Variants in NSUN6 observed in about 807,000 individuals in gnomAD.
NSUN6 encodes the protein NOP2/Sun RNA methyltransferase 6.
In NSUN6, 64 loss-of-function variants were observed where a neutral mutation model predicts 58.0. That is an observed-to-expected ratio of 1.10 (90% CI 0.90 to 1.36). The LOEUF (loss-of-function observed/expected upper bound fraction) is 1.36, where lower values mean the gene tolerates loss of function less well. Among genes scored for constraint, NSUN6 ranks in the 40% most tolerant of loss-of-function variants. The probability of loss-of-function intolerance (pLI) is 0.00; values close to 1 mark genes in which losing one functional copy is unlikely to be tolerated. For synonymous variants in NSUN6, 231 were observed against 193.9 expected (o/e 1.19, Z -1.59); for missense variants, 701 against 550.1 (o/e 1.27, Z -2.74).
intron 3 of NSUN6, among the ~76,000 whole-genome samples, chr10:18,625,642 C>T (rs920362259): frequency 5.7e-5 from 8 of 139,932 alleles, no homozygotes; most frequent in Middle Eastern, 4.0e-3. Context: ...GAATCCGGGA[C>T]GCAAAAGCTG....
At chr10:18,616,529 T>C (rs2058417311) in intron 3 of NSUN6, among the ~76,000 whole-genome samples, 1 of 152,168 alleles carries the variant, frequency 6.6e-6, no homozygotes, top group African/African-American at 2.4e-5. Flanking sequence ...GGCAATAAAG[T>C]GGCACCAGAA....
chr10:18,586,356 G>A (rs561411040), intron 7 of NSUN6, among the ~76,000 whole-genome samples: 5 of 152,112 alleles, frequency 3.3e-5, no homozygotes, highest in East Asian at 1.9e-4. Flanking sequence ...CGTTGTGTCC[G>A]GAGCTTGTTC....
In NSUN6 at chr10:18,548,160, C is replaced by T. The variant is rs369889308; in HGVS notation, c.1149G>A (p.Gln383=). 5.0e-6 allele frequency: 8 copies of T among 1,613,770 alleles called. No individual in the cohort carries two copies. The African/African-American group carries it at 1.1e-4, about 22-fold the overall frequency. Residue 383 remains glutamine (Q), a synonymous_variant, in exon 10 of 11, where the codon CAG becomes CAA. Coordinates refer to ENST00000377304, the MANE Select transcript of NSUN6 (RefSeq NM_182543.5). ...CTITLAENEE[Q]VAWALTKFPC... The stretch of plus-strand genomic sequence containing the variant: ...GAAATTTTGTCAGGGCCCAGGCAAC[C>T]TGTTCTTCATTTTCGGCCAGTGTTA...
intron 8 of NSUN6, among the ~76,000 whole-genome samples, chr10:18,577,031 C>A (rs1483714362): frequency 1.3e-5 from 2 of 152,082 alleles, no homozygotes; most frequent in African/African-American, 4.8e-5. Flanking sequence ...GGATTTGAGT[C>A]AATATTTTGG....
At chr10:18,627,551 C>G (rs529783055) in intron 3 of NSUN6, among the ~76,000 whole-genome samples, 3 of 152,276 alleles carry the variant, frequency 2.0e-5, no homozygotes, top group South Asian at 4.2e-4. Flanking sequence ...TCAGTGGGTG[C>G]GCGCACCGTG....
intron 3 of NSUN6, among the ~76,000 whole-genome samples, chr10:18,635,851 G>T (rs1052387127): frequency 2.7e-5 from 4 of 149,226 alleles, no homozygotes; most frequent in African/African-American, 4.9e-5. Flanking sequence ...GTTTTTTGTC[G>T]TTTTTTTTAA....
Position 18,609,797 on chromosome 10 carries a change from G to T in NSUN6, c.657+48C>A. On this transcript the variant is annotated intron_variant, in intron 6 of 10. Transcript: ENST00000377304. ...TATCCTAGATTTCAAATAATTCACT[G>T]ATGTATGTTTCAATGTCACTAAATA... The T allele has an allele frequency of 2.1e-6, 2 of 973,656 alleles. No individual in the cohort carries two copies. The highest frequency in any genetic ancestry group is 1.4e-5 in the South Asian group (1 of 72,456). 60.3% of individuals were successfully genotyped at this position (973,656 alleles called of 1,614,324 possible).
chr10:18,560,718 GGAATGGAATGGA>G (rs1564719327), intron 8 of NSUN6, among the ~76,000 whole-genome samples: 1 of 150,516 alleles, frequency 6.6e-6, no homozygotes, highest in African/African-American at 2.4e-5. Context: ...AATGAGGAAT[GGAATGGAATGGA>G]GAATGGAATA....
At chr10:18,628,147 T>G (rs2058892527) in intron 3 of NSUN6, among the ~76,000 whole-genome samples, 1 of 152,192 alleles carries the variant, frequency 6.6e-6, no homozygotes. Flanking sequence ...AGGGGCAGAC[T>G]GACACCTCAC....
intron 3 of NSUN6, among the ~76,000 whole-genome samples, chr10:18,635,977 A>C (rs2131522614): frequency 6.6e-6 from 1 of 151,304 alleles, no homozygotes; most frequent in East Asian, 2.0e-4. Flanking sequence ...AAGACAAGGT[A>C]CTGTTACAAG....
chr10:18,621,187 C>T (rs1025905648), intron 3 of NSUN6, among the ~76,000 whole-genome samples: 1 of 152,206 alleles, frequency 6.6e-6, no homozygotes, highest in Non-Finnish European at 1.5e-5. Context: ...TGGGAATCTA[C>T]ATGATGAGCC....
chr10:18,618,682 C>CAAAAA (rs35116933), intron 3 of NSUN6, among the ~76,000 whole-genome samples: 3 of 51,458 alleles, frequency 5.8e-5, no homozygotes, highest in Non-Finnish European at 8.1e-5. Flanking sequence ...AACTCCATCT[C>CAAAAA]AAAAAAAAAA....
chr10:18,658,647 C>T, upstream of NSUN6: 2 of 982,096 alleles, frequency 2.0e-6, no homozygotes, highest in Non-Finnish European at 2.4e-6. Flanking sequence ...AATCACATAA[C>T]TGAACTCTGT....
At chr10:18,565,081 T>C (rs902313077) in intron 8 of NSUN6, among the ~76,000 whole-genome samples, 3 of 151,030 alleles carry the variant, frequency 2.0e-5, no homozygotes, top group Non-Finnish European at 3.0e-5. Context: ...CTTTCCATTC[T>C]CCATTACATT....
chr10:18,620,003 T>C (rs996491248), intron 3 of NSUN6, among the ~76,000 whole-genome samples: 1 of 152,174 alleles, frequency 6.6e-6, no homozygotes, highest in Non-Finnish European at 1.5e-5. Flanking sequence ...CACAAGTTAC[T>C]AATGGGTCAT....
chr10:18,608,294 G>A (rs914884724), intron 6 of NSUN6, among the ~76,000 whole-genome samples: 5 of 151,086 alleles, frequency 3.3e-5, no homozygotes, highest in Admixed American at 2.0e-4. Context: ...GCAAAAAAGT[G>A]TAAAAAGAAA....
intron 7 of NSUN6, among the ~76,000 whole-genome samples, 184 bp from the exon 8 acceptor site, chr10:18,586,277 G>A (rs1430234148): frequency 6.6e-6 from 1 of 152,124 alleles, no homozygotes; most frequent in African/African-American, 2.4e-5. Flanking sequence ...CTTCTGGTGG[G>A]TTCTTGGTCT....
chr10:18,651,025 ACGAC>A, intron 1 of NSUN6, 100 bp downstream of exon 1: 1 of 1,384,750 alleles, frequency 7.2e-7, no homozygotes, highest in Non-Finnish European at 9.8e-7. Context: ...GTAGTAAGGA[ACGAC>A]GGCTGTCAAG....
chr10:18,631,439 A>G, intron 3 of NSUN6, among the ~76,000 whole-genome samples: 1 of 136,348 alleles, frequency 7.3e-6, no homozygotes, highest in South Asian at 2.8e-4. Context: ...AAGGGTATTC[A>G]ATGAGGAAAA....
Sources: gnomAD v4.1 joint callset for allele counts (sites outside exome capture counted in the v4.1 genomes callset) on GRCh38, gnomAD v4.1.1 for gene constraint, MANE v1.5 for transcripts, NCBI Gene and HGNC (gene_info 2026-07-23, HGNC 2026-07-21) for gene names.